Variants in MYDGF observed in about 807,000 individuals in gnomAD.
MYDGF encodes the protein myeloid derived growth factor.
A neutral mutation model predicts 24.2 loss-of-function variants in MYDGF; 29 were observed. The observed-to-expected ratio is 1.20, with a 90% confidence interval of 0.89 to 1.63. The LOEUF (loss-of-function observed/expected upper bound fraction) is 1.63. MYDGF is among the 40% of genes most tolerant of loss of function. MYDGF has a pLI of 0.00. For missense variants in MYDGF, 245 were observed against 234.8 expected (o/e 1.04, Z -0.29); for synonymous variants, 105 against 102.5 (o/e 1.02, Z -0.15).
chr19:4,668,538 C>T (rs2088537399), intron 2 of MYDGF, 57 bp downstream of exon 2: 3 of 1,482,044 alleles, frequency 2.0e-6, no homozygotes, highest in South Asian at 2.3e-5. Flanking sequence ...TACAGAACAT[C>T]TCCCTACAAC....
intron 5 of MYDGF, chr19:4,659,704 C>T (rs2088454524): frequency 3.4e-6 from 2 of 588,598 alleles, no homozygotes; most frequent in Admixed American, 2.9e-5. Context: ...CACGCATGGA[C>T]ATACTGTCTG....
rs368362738 is a variant in MYDGF, at chr19:4,658,019, G to A, written c.508C>T (p.Arg170Cys). 288 of 1,610,490 alleles carry A rather than the reference G, an allele frequency of 1.8e-4. No individual in the cohort carries two copies. The highest frequency in any genetic ancestry group is 2.2e-4 in the Non-Finnish European group (262 of 1,179,082). The part of the protein sequence containing the change: ...SKLVIVAKAS[R>C]TEL ...AGGGCTGCTGGTCACAGCTCAGTGC[G>A]CGATGCCTTGGCCACAATCACCAGC... The change falls in exon 6 of 6, where the codon CGC (arginine) becomes TGC (cysteine). Residue 170 changes from arginine to cysteine, a missense_variant. Arg to Cys is a radical substitution (Grantham distance 180). Transcript: ENST00000262947.
Position 4,670,232 on chromosome 19 carries a change from G to A in MYDGF, c.103C>T (p.Pro35Ser). Residue 35 changes from proline (P) to serine (S), a missense_variant, in exon 1 of 6, where the codon CCC (proline) becomes TCC (serine). Pro to Ser is a moderately conservative substitution (Grantham distance 74). Coordinates refer to ENST00000262947, the MANE Select transcript of MYDGF (RefSeq NM_019107.4). ...CGCACGTCAAACGCCACCGTCGTGG[G>A]CTCGGACACCGCCTCCGCCGGCCTC... Reference protein sequence around the residue: ...ALRPAEAVSEPTTVAFDVRPG... With the variant: ...ALRPAEAVSESTTVAFDVRPG... 6.4e-7 allele frequency: 1 copy of A among 1,571,270 alleles called. No homozygotes were observed. The highest frequency in any genetic ancestry group is 8.6e-7 in the Non-Finnish European group (1 of 1,161,644).
Position 4,668,606 on chromosome 19 carries a change from C to G in MYDGF, c.214G>C (p.Gly72Arg), listed in dbSNP as rs779054337. ...TCMFTYASQG[G>R]TNEQWQMSLG... ...TTTGAACAACTCACCTCATTGGTCC[C>G]TCCTTGAGAGGCGTAAGTGAACATA... Residue 72 changes from glycine to arginine, a missense_variant, in exon 2 of 6, where the codon GGG (glycine) becomes CGG (arginine). Transcript: ENST00000262947. 6.2e-7 allele frequency: 1 copy of G among 1,612,924 alleles called. No individual in the cohort carries two copies. Among genetic ancestry groups the G allele is most frequent in the African/African-American group, 1.3e-5 (1 of 74,878 alleles).
chr19:4,662,281 G>A (rs981572230), intron 3 of MYDGF, among the ~76,000 whole-genome samples: 6 of 152,208 alleles, frequency 3.9e-5, no homozygotes, highest in African/African-American at 1.4e-4. Context: ...TGACCGCAGT[G>A]GTGGAGCTAT....
intron 3 of MYDGF, among the ~76,000 whole-genome samples, chr19:4,662,009 C>T (rs1424204318): frequency 2.6e-5 from 4 of 152,184 alleles, no homozygotes; most frequent in Non-Finnish European, 5.9e-5. Flanking sequence ...TACAGGGCGG[C>T]CTCTGCAGGG....
Position 4,660,657 on chromosome 19 carries a change from CA to C in MYDGF, c.369+11del. The C allele has an allele frequency of 3.2e-5, 51 of 1,612,994 alleles. No individual in the cohort carries two copies. Among genetic ancestry groups the C allele is most frequent in the Non-Finnish European group, 4.2e-5 (50 of 1,179,042 alleles). The stretch of plus-strand genomic sequence containing the variant: ...GCCACACCCGGAGCCTGCCCCACTC[CA>C]AGATACTCACGTAGGCCATGGCGTA... On this transcript the variant is annotated intron_variant, in intron 4 of 5. Coordinates refer to ENST00000262947, the MANE Select transcript of MYDGF (RefSeq NM_019107.4).
intron 1 of MYDGF, 48 bp downstream of exon 1, chr19:4,670,112 TC>T: frequency 1.6e-6 from 2 of 1,280,510 alleles, no homozygotes; most frequent in Non-Finnish European, 2.0e-6. Context: ...CCGCGCCCCC[TC>T]CCCGGGCCTG....
At position 4,659,237 on chromosome 19, in the gene MYDGF, G is replaced by A. The variant is rs920544919; in HGVS notation, c.442+694C>T. Among the ~76,000 whole-genome samples, 13 of 151,578 alleles carry A rather than the reference G, an allele frequency of 8.6e-5. No homozygotes were observed. In the East Asian group the frequency reaches 1.4e-3, roughly 16 times the overall value. ...ACTACAGGTACACACCACCATGCCC[G>A]GCTAATTTTTTTTCTTTTTGAGACA... On this transcript the variant is annotated intron_variant, in intron 5 of 5. Coordinates refer to ENST00000262947, the MANE Select transcript of MYDGF (RefSeq NM_019107.4).
chr19:4,664,860 C>T lies in MYDGF; in HGVS notation c.287+16G>A, dbSNP rs1354455519. 1.9e-6 allele frequency: 3 copies of T among 1,611,362 alleles called. No homozygotes were observed. Among genetic ancestry groups the T allele is most frequent in the East Asian group, 4.5e-5 (2 of 44,802 alleles). ...CCAACGGCAGCCGGAAATGCCATCCCCACCCCGAGTCTCACCTCCAGATGG... is the reference window on the plus strand; with the variant it reads ...CCAACGGCAGCCGGAAATGCCATCCTCACCCCGAGTCTCACCTCCAGATGG... On this transcript the variant is annotated intron_variant, in intron 3 of 5. Coordinates refer to ENST00000262947, the MANE Select transcript of MYDGF (RefSeq NM_019107.4).
chr19:4,668,508 G>A, intron 2 of MYDGF, 87 bp downstream of exon 2: 2 of 1,201,160 alleles, frequency 1.7e-6, no homozygotes, highest in Admixed American at 1.7e-5. Context: ...ATATAGGTGA[G>A]ACCCAACCCT....
intron 3 of MYDGF, among the ~76,000 whole-genome samples, chr19:4,661,442 G>A (rs1418111591): frequency 6.6e-6 from 1 of 152,226 alleles, no homozygotes; most frequent in East Asian, 1.9e-4. Context: ...GGCCAGTAAA[G>A]GCTTCTCAGA....
At chr19:4,669,997 G>A (rs1599841545) in intron 1 of MYDGF, among the ~76,000 whole-genome samples, 164 bp downstream of exon 1, 1 of 151,986 alleles carries the variant, frequency 6.6e-6, no homozygotes, top group Middle Eastern at 3.4e-3. Context: ...CCGGCCTCAC[G>A]GTCCCGCGCC....
rs1195181679 is a variant in MYDGF, at chr19:4,657,681, G to C, written c.*324C>G. Reference sequence around the variant, plus strand: ...ATGAAGGATGCTCGGCTGGAGGTCGGGGGGAGCATGGCTGCTTTCCCCAGC... The same window carrying C: ...ATGAAGGATGCTCGGCTGGAGGTCGCGGGGAGCATGGCTGCTTTCCCCAGC... On this transcript the variant is annotated 3_prime_UTR_variant, in exon 6 of 6. Coordinates refer to ENST00000262947, the MANE Select transcript of MYDGF (RefSeq NM_019107.4). The C allele has an allele frequency of 4.3e-6, 1 of 233,112 alleles. No homozygotes were observed. Among genetic ancestry groups the C allele is most frequent in the Non-Finnish European group, 8.3e-6 (1 of 120,288 alleles). The allele number at this position is 233,112 out of a possible 1,614,324, so 14.4% of individuals were successfully genotyped here.
intron 3 of MYDGF, among the ~76,000 whole-genome samples, chr19:4,664,638 G>A (rs925445186): frequency 2.0e-5 from 3 of 152,144 alleles, no homozygotes; most frequent in Non-Finnish European, 2.9e-5. Context: ...ACCTTGCCCC[G>A]CACAGGCTCC....
chr19:4,660,380 A>C (rs1445374597), intron 4 of MYDGF, among the ~76,000 whole-genome samples: 1 of 152,086 alleles, frequency 6.6e-6, no homozygotes, highest in African/African-American at 2.4e-5. Context: ...CTCCTGCCTC[A>C]GCCTCCCAAA....
intron 2 of MYDGF, among the ~76,000 whole-genome samples, chr19:4,667,847 G>A (rs1379327710): frequency 6.6e-6 from 1 of 152,056 alleles, no homozygotes. Flanking sequence ...ACAGGTGCAC[G>A]CCACCACGCT....
In MYDGF at chr19:4,670,129, A is replaced by C. The variant is rs751576238; in HGVS notation, c.174+32T>G. The stretch of plus-strand genomic sequence containing the variant: ...GCGCCCCCTCCCCGGGCCTGCCAGC[A>C]CTCAAATATCCGGGACGGCGGTGGC... On this transcript the variant is annotated intron_variant, in intron 1 of 5. Coordinates refer to ENST00000262947, the MANE Select transcript of MYDGF (RefSeq NM_019107.4). 9 of 1,446,668 alleles carry C rather than the reference A, an allele frequency of 6.2e-6. No individual in the cohort carries two copies. In the African/African-American group the frequency reaches 1.0e-4, roughly 17 times the overall value. The allele number at this position is 1,446,668 out of a possible 1,614,324, so 89.6% of individuals were successfully genotyped here.
chr19:4,665,386 G>C (rs1326861374), intron 2 of MYDGF, among the ~76,000 whole-genome samples: 1 of 151,880 alleles, frequency 6.6e-6, no homozygotes, highest in Non-Finnish European at 1.5e-5. Flanking sequence ...TTTGTGTTTT[G>C]TAGAATCACT....
Sources: gnomAD v4.1 joint callset for allele counts (sites outside exome capture counted in the v4.1 genomes callset) on GRCh38, gnomAD v4.1.1 for gene constraint, MANE v1.5 for transcripts, NCBI Gene and HGNC (gene_info 2026-07-23, HGNC 2026-07-21) for gene names.